Variants in ST6GALNAC3 observed in about 807,000 individuals in gnomAD.
ST6GALNAC3 encodes ST6 N-acetylgalactosaminide alpha-2,6-sialyltransferase 3.
In ST6GALNAC3, 25 loss-of-function variants were observed where a neutral mutation model predicts 32.7. The ratio of observed to expected loss-of-function variants is 0.76; its 90% CI spans 0.56 to 1.07. The LOEUF (loss-of-function observed/expected upper bound fraction) is 1.07, where lower values mean the gene tolerates loss of function less well. ST6GALNAC3 is among the 50% of genes least tolerant of loss of function. The pLI is 0.00. For synonymous variants in ST6GALNAC3, 129 were observed against 133.1 expected (o/e 0.97, Z 0.21); for missense variants, 355 against 382.4 (o/e 0.93, Z 0.60).
rs140161511 is a variant in ST6GALNAC3 at position 76,628,689 on chromosome 1, T to A, written c.801T>A (p.Phe267Leu). The A allele has an allele frequency of 4.5e-4, 731 of 1,612,348 alleles. No individual in the cohort carries two copies. The highest frequency in any genetic ancestry group is 6.0e-4 in the Non-Finnish European group (707 of 1,179,104). Residue 267 changes from phenylalanine to leucine, a missense_variant, in exon 5 of 5, where the codon TTT becomes TTA. Coordinates refer to ENST00000328299, the MANE Select transcript of ST6GALNAC3 (RefSeq NM_152996.4). ...GAAGAGATGAGTGTGATGAATATTTTCTTCATGAACATGCCCCATATGGGG... is the reference window on the plus strand; with the variant it reads ...GAAGAGATGAGTGTGATGAATATTTACTTCATGAACATGCCCCATATGGGG... ...EQGRDECDEY[F>L]LHEHAPYGGH...
At chr1:76,544,982 C>G (rs1664203763) in intron 3 of ST6GALNAC3, among the ~76,000 whole-genome samples, 1 of 152,188 alleles carries the variant, frequency 6.6e-6, no homozygotes, top group Non-Finnish European at 1.5e-5. Context: ...AATCCTCTCT[C>G]CATTGTCCTT....
At chr1:76,349,430 C>T (rs1171292521) in intron 2 of ST6GALNAC3, among the ~76,000 whole-genome samples, 3 of 152,160 alleles carry the variant, frequency 2.0e-5, no homozygotes, top group Admixed American at 1.3e-4. Flanking sequence ...TTTCTTCTCT[C>T]TTCTTGTTGC....
At chr1:76,079,180 C>T (rs1042177502) in intron 1 of ST6GALNAC3, among the ~76,000 whole-genome samples, 3 of 152,182 alleles carry the variant, frequency 2.0e-5, no homozygotes, top group African/African-American at 4.8e-5. Context: ...AGACAGATTA[C>T]AGGGAAGATC....
At chr1:76,627,419 CT>C (rs761915367) in intron 3 of ST6GALNAC3, 32 bp from the exon 4 acceptor site, 2 of 1,393,446 alleles carry the variant, frequency 1.4e-6, no homozygotes, top group South Asian at 2.3e-5. Context: ...GTGTTTTGTT[CT>C]GTTTGTTATT....
chr1:76,536,018 G>A (rs552203996), intron 3 of ST6GALNAC3, among the ~76,000 whole-genome samples: 1 of 152,028 alleles, frequency 6.6e-6, no homozygotes, highest in Non-Finnish European at 1.5e-5. Flanking sequence ...GCTTTTACAT[G>A]CAAAATTCAA....
At chr1:76,201,935 G>A (rs762236073) in intron 1 of ST6GALNAC3, among the ~76,000 whole-genome samples, 12 of 152,132 alleles carry the variant, frequency 7.9e-5, no homozygotes, top group Non-Finnish European at 1.8e-4. Flanking sequence ...ATTGGCAGAT[G>A]CATTAGTAAA....
At chr1:76,112,965 A>T (rs1034291224) in intron 1 of ST6GALNAC3, among the ~76,000 whole-genome samples, 91 of 152,246 alleles carry the variant, frequency 6.0e-4, no homozygotes, top group African/African-American at 2.0e-3. Flanking sequence ...CAATCTCGGC[A>T]CTTTGGGGGG....
At chr1:76,378,248 G>A (rs1651397199) in intron 2 of ST6GALNAC3, among the ~76,000 whole-genome samples, 1 of 152,208 alleles carries the variant, frequency 6.6e-6, no homozygotes, top group Middle Eastern at 3.2e-3. Flanking sequence ...ATTGTCCCTA[G>A]TAGTAAGAAA....
intron 2 of ST6GALNAC3, among the ~76,000 whole-genome samples, chr1:76,409,966 T>C (rs1293591177): frequency 1.3e-5 from 2 of 152,150 alleles, no homozygotes; most frequent in Non-Finnish European, 1.5e-5. Context: ...AAGCGGCTTC[T>C]CTCCATCTCC....
chr1:76,287,900 A>C (rs752073285), intron 1 of ST6GALNAC3, among the ~76,000 whole-genome samples: 1 of 152,226 alleles, frequency 6.6e-6, no homozygotes, highest in Non-Finnish European at 1.5e-5. Flanking sequence ...TTACAGATGA[A>C]GAAATGGAGG....
At chr1:76,080,935 TA>T (rs1646885764) in intron 1 of ST6GALNAC3, among the ~76,000 whole-genome samples, 1 of 152,238 alleles carries the variant, frequency 6.6e-6, no homozygotes, top group Admixed American at 6.5e-5. Flanking sequence ...ATGCTTTTGC[TA>T]CGTATATCAG....
At position 76,510,264 on chromosome 1, in the gene ST6GALNAC3, C is replaced by T. The variant is rs540035389; in HGVS notation, c.623+97847C>T. 1.6e-4 allele frequency among the ~76,000 whole-genome samples: 25 copies of T among 152,188 alleles called. No individual in the cohort carries two copies. In the South Asian group the frequency reaches 5.0e-3, roughly 30 times the overall value. On this transcript the variant is annotated intron_variant, in intron 3 of 4. Transcript: ENST00000328299. ...CCAACAACTTTAAAATGGGTCTTCA[C>T]CATTTGGAGGCATGATTATGAGCTA... is the stretch of plus-strand genomic sequence containing the variant.
chr1:76,492,491 T>C (rs114991306), intron 3 of ST6GALNAC3, among the ~76,000 whole-genome samples: 5,548 of 152,210 alleles, frequency 0.036, 350 homozygotes, highest in African/African-American at 0.13. Flanking sequence ...TTAACGTAGT[T>C]TGCCCAGGTT....
chr1:76,137,331 A>T (rs940367008), intron 1 of ST6GALNAC3, among the ~76,000 whole-genome samples: 4 of 152,182 alleles, frequency 2.6e-5, no homozygotes, highest in African/African-American at 9.7e-5. Flanking sequence ...ATGTTGGGGA[A>T]TTTCTAAGAT....
Position 76,629,853 on chromosome 1 carries a change from A to C in ST6GALNAC3, c.*1047A>C, listed in dbSNP as rs539279118. The C allele has an allele frequency of 1.0e-6, 1 of 983,798 alleles. No individual in the cohort carries two copies. The highest frequency in any genetic ancestry group is 1.1e-4 in the East Asian group (1 of 8,806). The allele number at this position is 983,798 out of a possible 1,614,324, so 60.9% of individuals were successfully genotyped here. A position where few individuals can be genotyped will look rare whatever the true frequency, so the allele number is the denominator to read the frequency against. On this transcript the variant is annotated 3_prime_UTR_variant, in exon 5 of 5. Transcript: ENST00000328299. ...CAAGGTGTGTTTCTCCAAACATTAC[A>C]TTCTCATTGCCAAGTGCCAGCTGTT...
intron 1 of ST6GALNAC3, among the ~76,000 whole-genome samples, chr1:76,256,248 C>G (rs1459974791): frequency 1.3e-5 from 2 of 152,156 alleles, no homozygotes; most frequent in African/African-American, 4.8e-5. Flanking sequence ...TCTTCCTTCT[C>G]TCTCTCCAAT....
At chr1:76,576,482 A>C (rs1376374251) in intron 3 of ST6GALNAC3, among the ~76,000 whole-genome samples, 1 of 152,050 alleles carries the variant, frequency 6.6e-6, no homozygotes, top group Non-Finnish European at 1.5e-5. Context: ...TTGCAGTTAG[A>C]CCAAGGAATC....
At chr1:76,265,016 A>T (rs1013664813) in intron 1 of ST6GALNAC3, among the ~76,000 whole-genome samples, 12 of 151,386 alleles carry the variant, frequency 7.9e-5, no homozygotes, top group Non-Finnish European at 1.6e-4. Flanking sequence ...CCTATTCCTG[A>T]TTATATGAAG....
intron 3 of ST6GALNAC3, among the ~76,000 whole-genome samples, chr1:76,516,557 C>T (rs1662185584): frequency 1.3e-5 from 2 of 151,894 alleles, no homozygotes; most frequent in African/African-American, 4.9e-5. Flanking sequence ...ATTTTGATAG[C>T]TACACTCTGA....
Sources: allele counts gnomAD v4.1 joint callset (sites outside exome capture counted in the v4.1 genomes callset), GRCh38; gene constraint gnomAD v4.1.1; transcripts MANE v1.5; gene names NCBI Gene and HGNC (gene_info 2026-07-23, HGNC 2026-07-21).